DAB1: variants seen among roughly 807,000 people sequenced by gnomAD.
The protein encoded by DAB1 is disabled homolog 1.
A neutral mutation model predicts 64.6 loss-of-function variants in DAB1; 15 were observed. The observed-to-expected ratio is 0.23, with a 90% CI of 0.16 to 0.36. The LOEUF (loss-of-function observed/expected upper bound fraction) is 0.36, where lower values mean the gene tolerates loss of function less well. Among genes scored for constraint, DAB1 ranks in the 10% least tolerant of loss-of-function variants. DAB1 has a pLI of 1.00. For synonymous variants in DAB1, 235 were observed against 251.9 expected, an observed-to-expected ratio of 0.93 and a Z score of 0.64; for missense variants, 596 against 706.7, an observed-to-expected ratio of 0.84 and a Z score of 1.78.
chr1:57,047,180 T>A (rs1375584011), intron 9 of DAB1, among the ~76,000 whole-genome samples: 2 of 152,244 alleles, frequency 1.3e-5, no homozygotes, highest in Non-Finnish European at 2.9e-5. Context: ...ATATCCTTTA[T>A]GGTAGAGAAG....
chr1:57,339,626 A>G (rs866961910), intron 1 of DAB1, among the ~76,000 whole-genome samples: 17 of 152,350 alleles, frequency 1.1e-4, no homozygotes, highest in Middle Eastern at 3.4e-3. Flanking sequence ...TTGAGCTGGT[A>G]TGTTTAAGGT....
chr1:57,671,702 T>A (rs1384969667), intron 6 of DAB1, among the ~76,000 whole-genome samples: 1 of 152,028 alleles, frequency 6.6e-6, no homozygotes, highest in African/African-American at 2.4e-5. Flanking sequence ...GCTAGACTAG[T>A]CAAAGTCTGA....
intron 1 of DAB1, among the ~76,000 whole-genome samples, chr1:57,309,953 A>G (rs1237218842): frequency 6.6e-6 from 1 of 152,194 alleles, no homozygotes; most frequent in Non-Finnish European, 1.5e-5. Flanking sequence ...TGCCACAAAC[A>G]TCATCAGGGC....
intron 7 of DAB1, among the ~76,000 whole-genome samples, chr1:57,489,527 T>C (rs1434793632): frequency 6.6e-6 from 1 of 152,212 alleles, no homozygotes; most frequent in East Asian, 1.9e-4. Context: ...CTTCTCACCA[T>C]GCTCACAAAG....
At chr1:57,736,825 C>T (rs1050693155) in intron 6 of DAB1, among the ~76,000 whole-genome samples, 3 of 152,130 alleles carry the variant, frequency 2.0e-5, no homozygotes, top group African/African-American at 4.8e-5. Context: ...GTGCTTACCT[C>T]GTGCAAACAA....
chr1:57,592,020 AT>A (rs145194743), intron 7 of DAB1, among the ~76,000 whole-genome samples: 1,556 of 152,284 alleles, frequency 0.01, 21 homozygotes, highest in African/African-American at 0.036. Context: ...CCTTGAAAGG[AT>A]TTCTGCAATC....
chr1:57,608,423 C>T (rs918117042), intron 7 of DAB1, among the ~76,000 whole-genome samples: 2 of 152,006 alleles, frequency 1.3e-5, no homozygotes, highest in African/African-American at 2.4e-5. Flanking sequence ...AAATGCATTG[C>T]CCCCTTGCTT....
chr1:58,162,696 G>A (rs980543620), intron 4 of DAB1, among the ~76,000 whole-genome samples: 3 of 152,124 alleles, frequency 2.0e-5, no homozygotes, highest in Admixed American at 6.6e-5. Context: ...ATGGATGTAA[G>A]TCATCTTATT....
intron 2 of DAB1, among the ~76,000 whole-genome samples, chr1:57,287,470 T>TA (rs1672409926): frequency 6.6e-6 from 1 of 152,198 alleles, no homozygotes; most frequent in Non-Finnish European, 1.5e-5. Flanking sequence ...CTAAATATTA[T>TA]AATGACAGAT....
intron 3 of DAB1, among the ~76,000 whole-genome samples, chr1:58,349,434 TTTA>T (rs67406013): frequency 0.5 from 74,787 of 150,346 alleles, 18,578 homozygotes; most frequent in East Asian, 0.59. Flanking sequence ...CTTGGCTCCT[TTTA>T]TTATTATTAT....
At chr1:58,355,437 A>T (rs540880980) in intron 3 of DAB1, among the ~76,000 whole-genome samples, 1 of 152,112 alleles carries the variant, frequency 6.6e-6, no homozygotes, top group Admixed American at 6.5e-5. Flanking sequence ...GAAGAGTTTA[A>T]TTTTTTTTCC....
Position 58,334,138 on chromosome 1 carries a change from T to G in DAB1, n.309+9214A>C, listed in dbSNP as rs147029118. 1.2e-4 allele frequency among the ~76,000 whole-genome samples: 18 copies of G among 152,300 alleles called. No individual in the cohort carries two copies. The East Asian group carries it at 3.5e-3, about 29-fold the overall frequency. ...TGGCCATGTGACATATCTTGACCAA[T>G]GGAATATTGGAAATATTAGACACTT... On this transcript the variant is annotated intron_variant and non_coding_transcript_variant, in intron 4 of 20. Transcript: ENST00000485760.
chr1:57,596,194 T>C (rs934466487), intron 7 of DAB1, among the ~76,000 whole-genome samples: 1 of 152,204 alleles, frequency 6.6e-6, no homozygotes, highest in African/African-American at 2.4e-5. Context: ...CTTCTGAAAG[T>C]CCCCTGTTGA....
chr1:58,329,896 A>G (rs1395572959), intron 4 of DAB1, among the ~76,000 whole-genome samples: 1 of 152,142 alleles, frequency 6.6e-6, no homozygotes, highest in African/African-American at 2.4e-5. Flanking sequence ...AGGCCTCCCT[A>G]TTGCCTGAGA....
At chr1:57,389,813 A>T (rs952165809) in intron 1 of DAB1, among the ~76,000 whole-genome samples, 13 of 152,168 alleles carry the variant, frequency 8.5e-5, no homozygotes, top group Non-Finnish European at 1.6e-4. Flanking sequence ...AAATTTAGAT[A>T]CCTAACTCCC....
At chr1:57,456,804 C>T (rs1217211975) in intron 7 of DAB1, among the ~76,000 whole-genome samples, 1 of 152,074 alleles carries the variant, frequency 6.6e-6, no homozygotes, top group Non-Finnish European at 1.5e-5. Flanking sequence ...TAGCTATCTC[C>T]TCTTTGATTC....
intron 5 of DAB1, among the ~76,000 whole-genome samples, chr1:57,962,703 T>G (rs570998743): frequency 5.9e-5 from 9 of 151,958 alleles, no homozygotes; most frequent in African/African-American, 2.2e-4. Context: ...CTCTACAATT[T>G]TTTTTTTTAA....
chr1:57,518,217 C>T (rs1644485454), intron 7 of DAB1, among the ~76,000 whole-genome samples: 1 of 152,152 alleles, frequency 6.6e-6, no homozygotes, highest in African/African-American at 2.4e-5. Context: ...TCATCATCAC[C>T]TTTAGCCTTT....
At chr1:57,473,117 T>G (rs1393693368) in intron 7 of DAB1, among the ~76,000 whole-genome samples, 6 of 152,232 alleles carry the variant, frequency 3.9e-5, no homozygotes, top group Non-Finnish European at 8.8e-5. Flanking sequence ...ATTGTATGTA[T>G]AGCGGAGGCA....
Sources: gnomAD v4.1 joint callset for allele counts (sites outside exome capture counted in the v4.1 genomes callset) on GRCh38, gnomAD v4.1.1 for gene constraint, MANE v1.5 for transcripts, NCBI Gene and HGNC (gene_info 2026-07-23, HGNC 2026-07-21) for gene names.